DNAH9: variants seen among roughly 807,000 people sequenced by gnomAD.
DNAH9 encodes dynein axonemal heavy chain 9.
DNAH9 carries 345 observed loss-of-function variants against 471.6 expected under a neutral mutation model. That is an observed-to-expected ratio of 0.73 (90% CI 0.67 to 0.80). DNAH9 has a LOEUF of 0.80. DNAH9 is among the 30% of genes least tolerant of loss of function. The pLI, the probability that DNAH9 is intolerant of heterozygous loss-of-function variation, is 0.00. For synonymous variants in DNAH9, 2,093 were observed against 2,123.6 expected, an observed-to-expected ratio of 0.99 and a Z score of 0.40; for missense variants, 5,407 against 5,609.2, an observed-to-expected ratio of 0.96 and a Z score of 1.15.
intron 51 of DNAH9, among the ~76,000 whole-genome samples, chr17:11,870,421 T>C (rs1235818354): frequency 6.6e-6 from 1 of 152,190 alleles, no homozygotes; most frequent in African/African-American, 2.4e-5. Context: ...TCCACACCTG[T>C]TGACATTTAT....
chr17:11,865,005 G>C (rs1376523299), intron 50 of DNAH9, among the ~76,000 whole-genome samples: 1 of 152,126 alleles, frequency 6.6e-6, no homozygotes. Context: ...TTTAATTGGA[G>C]CATTTAGTCC....
Position 11,969,543 on chromosome 17 carries a change from C to G in DNAH9, c.*16C>G, listed in dbSNP as rs367684515. Reference sequence around the variant, plus strand: ...CCAGATTTAGCATCCTGCAGAGCCACCGAGAAAATAAAAAAGCTGGGCTTG... The same window carrying G: ...CCAGATTTAGCATCCTGCAGAGCCAGCGAGAAAATAAAAAAGCTGGGCTTG... On this transcript the variant is annotated 3_prime_UTR_variant, in exon 69 of 69. Transcript: ENST00000262442. 3.2e-6 allele frequency: 5 copies of G among 1,586,026 alleles called. No homozygotes were observed. Among genetic ancestry groups the G allele is most frequent in the African/African-American group, 1.4e-5 (1 of 73,556 alleles).
chr17:11,856,336 G>C (rs1173385787), intron 50 of DNAH9, among the ~76,000 whole-genome samples: 1 of 152,086 alleles, frequency 6.6e-6, no homozygotes, highest in Non-Finnish European at 1.5e-5. Flanking sequence ...TGGGTTTATT[G>C]ATTGTTAGAT....
intron 50 of DNAH9, among the ~76,000 whole-genome samples, chr17:11,856,248 C>T (rs763086184): frequency 7.2e-5 from 11 of 152,116 alleles, no homozygotes; most frequent in African/African-American, 1.2e-4. Flanking sequence ...ATTCTTGCTA[C>T]AAATTTGTCA....
intron 62 of DNAH9, among the ~76,000 whole-genome samples, chr17:11,928,924 A>G (rs913824730): frequency 6.6e-6 from 1 of 152,056 alleles, no homozygotes; most frequent in Non-Finnish European, 1.5e-5. Context: ...ACTGCCAACA[A>G]TGTTGATCCA....
intron 42 of DNAH9, among the ~76,000 whole-genome samples, chr17:11,794,062 T>TTTTG (rs34204064): frequency 3.0e-5 from 3 of 99,242 alleles, no homozygotes; most frequent in African/African-American, 1.1e-4. Flanking sequence ...TTTTTTTTTT[T>TTTTG]GAGACAGAGT....
intron 61 of DNAH9, among the ~76,000 whole-genome samples, chr17:11,907,967 C>G (rs1460575798): frequency 1.3e-5 from 2 of 152,090 alleles, no homozygotes; most frequent in African/African-American, 4.8e-5. Flanking sequence ...ATATGAAAAA[C>G]AAGGATTTAG....
At chr17:11,614,219 T>TA (rs1174846574) in intron 4 of DNAH9, among the ~76,000 whole-genome samples, 2 of 152,178 alleles carry the variant, frequency 1.3e-5, no homozygotes, top group Non-Finnish European at 2.9e-5. Context: ...TCTTTTTTTT[T>TA]ATCCTAAATA....
intron 12 of DNAH9, among the ~76,000 whole-genome samples, chr17:11,649,554 C>T (rs1480538952): frequency 6.6e-6 from 1 of 151,944 alleles, no homozygotes; most frequent in African/African-American, 2.4e-5. Flanking sequence ...GATAAAAGTC[C>T]AGAAATGGAA....
At chr17:11,765,220 T>C (rs1967884261) in intron 36 of DNAH9, among the ~76,000 whole-genome samples, 1 of 152,192 alleles carries the variant, frequency 6.6e-6, no homozygotes, top group African/African-American at 2.4e-5. Flanking sequence ...TTATTATTAC[T>C]ATTCTTCTAG....
intron 45 of DNAH9, among the ~76,000 whole-genome samples, chr17:11,811,355 A>G (rs1212980439): frequency 6.6e-6 from 1 of 152,030 alleles, no homozygotes; most frequent in East Asian, 1.9e-4. Context: ...AACGAGATAA[A>G]GAGGCAGGGA....
chr17:11,650,922 A>G, intron 12 of DNAH9, 147 bp from the exon 13 acceptor site: 2 of 795,990 alleles, frequency 2.5e-6, no homozygotes, highest in Non-Finnish European at 2.0e-6. Context: ...CTTTTCTGAG[A>G]CTAGATTTAA....
At chr17:11,751,931 CT>C (rs1468323185) in intron 32 of DNAH9, among the ~76,000 whole-genome samples, 1 of 152,048 alleles carries the variant, frequency 6.6e-6, no homozygotes, top group African/African-American at 2.4e-5. Context: ...AATTTGGTAA[CT>C]TTTCTCAATA....
chr17:11,834,630 C>T lies in DNAH9; in HGVS notation c.9247-8C>T. ...ACTCCTGATAAGTCCCGTGCTTCTC[C>T]AATGCAGGTGGATGATCTGAAAGCA... On this transcript the variant is annotated splice_region_variant and splice_polypyrimidine_tract_variant and intron_variant, in intron 48 of 68. Coordinates refer to ENST00000262442, the MANE Select transcript of DNAH9 (RefSeq NM_001372.4). 6.2e-7 allele frequency: 1 copy of T among 1,613,786 alleles called. No homozygotes were observed. Among genetic ancestry groups the T allele is most frequent in the Non-Finnish European group, 8.5e-7 (1 of 1,179,950 alleles).
intron 36 of DNAH9, among the ~76,000 whole-genome samples, chr17:11,766,007 C>T (rs186983098): frequency 9.9e-5 from 15 of 152,172 alleles, no homozygotes; most frequent in East Asian, 1.9e-4. Flanking sequence ...TTAAAAGCCC[C>T]GGAGAAAGCA....
intron 63 of DNAH9, among the ~76,000 whole-genome samples, chr17:11,930,743 C>T (rs982698439): frequency 1.6e-4 from 21 of 129,482 alleles, no homozygotes; most frequent in South Asian, 4.8e-4. Flanking sequence ...CCAGCCTGGG[C>T]GACAGAGTGA....
At chr17:11,663,304 A>C (rs947058595) in intron 14 of DNAH9, among the ~76,000 whole-genome samples, 1 of 152,230 alleles carries the variant, frequency 6.6e-6, no homozygotes. Context: ...AGTCAGACTC[A>C]AGAGGAGCCA....
At chr17:11,807,580 C>A in intron 43 of DNAH9, 152 bp from the exon 44 acceptor site, 1 of 795,560 alleles carries the variant, frequency 1.3e-6, no homozygotes, top group Non-Finnish European at 1.9e-6. Flanking sequence ...GAAGGTGAGG[C>A]CAGGTTTAGG....
intron 50 of DNAH9, among the ~76,000 whole-genome samples, chr17:11,861,156 T>C (rs931169587): frequency 6.6e-6 from 1 of 152,050 alleles, no homozygotes; most frequent in African/African-American, 2.4e-5. Context: ...AGGTATATCT[T>C]CCAATGCTAT....
Sources: allele counts gnomAD v4.1 joint callset (sites outside exome capture counted in the v4.1 genomes callset), GRCh38; gene constraint gnomAD v4.1.1; transcripts MANE v1.5; gene names NCBI Gene and HGNC (gene_info 2026-07-23, HGNC 2026-07-21).